The following TRPM3 variants were observed in gnomAD, a reference collection of about 807,000 sequenced individuals.
TRPM3 encodes long transient receptor potential channel 3.
A neutral mutation model predicts 181.2 loss-of-function variants in TRPM3; 77 were observed. The ratio of observed to expected loss-of-function variants is 0.42; its 90% CI spans 0.35 to 0.51. The LOEUF (loss-of-function observed/expected upper bound fraction) is 0.51. TRPM3 is among the 20% of genes least tolerant of loss of function. The pLI is 0.01. For missense variants in TRPM3, 1,759 were observed against 2,196.7 expected (o/e 0.80, Z 3.98); for synonymous variants, 745 against 796.4 (o/e 0.94, Z 1.09).
intron 1 of TRPM3, among the ~76,000 whole-genome samples, chr9:70,899,325 C>T (rs1366486152): frequency 6.6e-6 from 1 of 152,118 alleles, no homozygotes; most frequent in Non-Finnish European, 1.5e-5. Context: ...AAAACAAGGT[C>T]TTTCTGGAAA....
At chr9:71,247,963 A>T (rs2082131500) in intron 1 of TRPM3, among the ~76,000 whole-genome samples, 1 of 152,234 alleles carries the variant, frequency 6.6e-6, no homozygotes. Flanking sequence ...AAAAAAGACC[A>T]GCCTTGCTAG....
intron 1 of TRPM3, among the ~76,000 whole-genome samples, chr9:71,275,761 T>G (rs943260196): frequency 3.3e-5 from 5 of 151,860 alleles, no homozygotes; most frequent in Non-Finnish European, 5.9e-5. Context: ...TAGAACAAAA[T>G]AGAGAGCCCC....
intron 12 of TRPM3, among the ~76,000 whole-genome samples, chr9:70,629,095 T>C (rs1481096028): frequency 6.6e-6 from 1 of 151,338 alleles, no homozygotes; most frequent in Non-Finnish European, 1.5e-5. Flanking sequence ...AAAGGACTTT[T>C]AGCGGTATAT....
chr9:70,905,277 C>A (rs976671093), intron 1 of TRPM3, among the ~76,000 whole-genome samples: 3 of 152,250 alleles, frequency 2.0e-5, no homozygotes, highest in East Asian at 1.9e-4. Flanking sequence ...CTGGAGATAC[C>A]AAATACACAT....
chr9:71,307,883 G>C (rs1001458675), intron 1 of TRPM3, among the ~76,000 whole-genome samples: 1 of 151,822 alleles, frequency 6.6e-6, no homozygotes, highest in Non-Finnish European at 1.5e-5. Flanking sequence ...TTTCTAGTAA[G>C]GCATTTATTT....
At chr9:70,771,792 G>A (rs11142582) in intron 7 of TRPM3, among the ~76,000 whole-genome samples, 23,076 of 152,024 alleles carry the variant, frequency 0.15, 2,332 homozygotes, top group East Asian at 0.39. Flanking sequence ...TTCTGCCACC[G>A]CTTATCTTGA....
intron 1 of TRPM3, among the ~76,000 whole-genome samples, chr9:71,356,547 C>T (rs1310648186): frequency 3.3e-5 from 5 of 152,096 alleles, no homozygotes; most frequent in Non-Finnish European, 5.9e-5. Context: ...CATTACTTCA[C>T]TTAGCTAAGC....
At chr9:70,650,066 C>T (rs1294574812) in intron 9 of TRPM3, among the ~76,000 whole-genome samples, 1 of 152,070 alleles carries the variant, frequency 6.6e-6, no homozygotes, top group African/African-American at 2.4e-5. Flanking sequence ...AACAGAAAAC[C>T]AAATGTCAAT....
chr9:70,850,553 T>C (rs1219580311), intron 3 of TRPM3, among the ~76,000 whole-genome samples: 1 of 152,204 alleles, frequency 6.6e-6, no homozygotes, highest in Non-Finnish European at 1.5e-5. Context: ...AAGTTGCATA[T>C]ACTAATTATG....
At chr9:70,562,313 T>G (rs962504765) in intron 22 of TRPM3, among the ~76,000 whole-genome samples, 1 of 152,192 alleles carries the variant, frequency 6.6e-6, no homozygotes, top group Non-Finnish European at 1.5e-5. Context: ...TGCCCCAAAC[T>G]GAATCATCTA....
intron 5 of TRPM3, among the ~76,000 whole-genome samples, chr9:70,829,968 C>T (rs2093789402): frequency 6.6e-6 from 1 of 152,140 alleles, no homozygotes; most frequent in Admixed American, 6.5e-5. Context: ...AAAGACTCTC[C>T]TGTTCTTAAA....
At chr9:71,199,732 T>TTTTTG (rs2078651313) in intron 1 of TRPM3, among the ~76,000 whole-genome samples, 1 of 50,354 alleles carries the variant, frequency 2.0e-5, no homozygotes, top group African/African-American at 5.4e-5. Context: ...CCCTTTATCA[T>TTTTTG]TTTTTTTGCG....
chr9:70,576,317 T>A (rs978685999), intron 22 of TRPM3, among the ~76,000 whole-genome samples: 1 of 152,178 alleles, frequency 6.6e-6, no homozygotes, highest in African/African-American at 2.4e-5. Context: ...TTCCTGACCA[T>A]CAACCTTTGG....
chr9:71,415,914 A>G (rs2093630272), intron 1 of TRPM3, among the ~76,000 whole-genome samples: 1 of 151,998 alleles, frequency 6.6e-6, no homozygotes, highest in Non-Finnish European at 1.5e-5. Context: ...CTAAAACTGT[A>G]TTACAAGAAT....
intron 1 of TRPM3, among the ~76,000 whole-genome samples, chr9:71,399,932 G>A (rs909120672): frequency 2.6e-5 from 4 of 151,986 alleles, no homozygotes; most frequent in African/African-American, 7.3e-5. Flanking sequence ...CCTGGCCTGG[G>A]TGTCAAAAGA....
At chr9:71,061,360 G>A (rs983452729) in intron 1 of TRPM3, among the ~76,000 whole-genome samples, 1 of 152,058 alleles carries the variant, frequency 6.6e-6, no homozygotes, top group Non-Finnish European at 1.5e-5. Flanking sequence ...TTGCACATGG[G>A]GTTTGTGTGG....
At chr9:70,699,248 AAGGAGACAAAGGTCATTTCTGGC>A (rs2071616056) in intron 8 of TRPM3, among the ~76,000 whole-genome samples, 1 of 152,226 alleles carries the variant, frequency 6.6e-6, no homozygotes, top group Non-Finnish European at 1.5e-5. Flanking sequence ...TTTAAGGGCT[AAGGAGACAAAGGTCATTTCTGGC>A]TGGGATGACA....
chr9:71,244,434 C>T (rs1403441073), intron 1 of TRPM3, among the ~76,000 whole-genome samples: 1 of 152,168 alleles, frequency 6.6e-6, no homozygotes, highest in African/African-American at 2.4e-5. Context: ...TCTCAGCACT[C>T]TGCCAACCTT....
chr9:70,987,155 T>C (rs1052431178), intron 1 of TRPM3, among the ~76,000 whole-genome samples: 3 of 152,110 alleles, frequency 2.0e-5, no homozygotes, highest in African/African-American at 7.2e-5. Context: ...TGCATTAAAC[T>C]GAATTGAAAT....
Sources: gnomAD v4.1 joint callset for allele counts (sites outside exome capture counted in the v4.1 genomes callset) on GRCh38, gnomAD v4.1.1 for gene constraint, MANE v1.5 for transcripts, NCBI Gene and HGNC (gene_info 2026-07-23, HGNC 2026-07-21) for gene names.